The following PANK4 variants were observed in gnomAD, a reference collection of about 807,000 sequenced individuals.
PANK4 encodes the protein 4'-phosphopantetheine phosphatase.
In PANK4, 40 loss-of-function variants were observed where a neutral mutation model predicts 87.9. That is an observed-to-expected ratio of 0.46 (90% CI 0.35 to 0.59). The LOEUF (loss-of-function observed/expected upper bound fraction) is 0.59. PANK4 is among the 20% of genes least tolerant of loss of function. The pLI is 0.00. For synonymous variants in PANK4, 524 were observed against 467.4 expected (o/e 1.12, Z -1.56); for missense variants, 926 against 1,072.3 (o/e 0.86, Z 1.90).
rs1036213078 is a variant in PANK4 at position 2,509,293 on chromosome 1, T to C, written c.2109-233A>G. On this transcript the variant is annotated intron_variant, in intron 18 of 18. Transcript: ENST00000378466. The surrounding 1 kb of genome is among the most constrained non-coding windows in gnomAD (Gnocchi z 4.9). Reference sequence around the variant, plus strand: ...TGGAAACTCTGCCCTAGATCTCCTGTGAACTCTAGGGATGGATTCCTTGTC... The same window carrying C: ...TGGAAACTCTGCCCTAGATCTCCTGCGAACTCTAGGGATGGATTCCTTGTC... Among the ~76,000 whole-genome samples, 2 of 152,202 alleles carry C rather than the reference T, an allele frequency of 1.3e-5. No homozygotes were observed. The highest frequency in any genetic ancestry group is 3.9e-4 in the East Asian group (2 of 5,186).
chr1:2,513,182 T>A, intron 12 of PANK4, 143 bp from the exon 13 acceptor site: 1 of 858,834 alleles, frequency 1.2e-6, no homozygotes, highest in Non-Finnish European at 1.8e-6. Context: ...GGCACAAGCC[T>A]ATCGGTCCGG....
In PANK4 at chr1:2,520,604, A is replaced by AC. The variant is rs1349094128; in HGVS notation, c.606+118dup. 9.6e-7 allele frequency: 1 copy of AC among 1,046,626 alleles called. No individual in the cohort carries two copies. The highest frequency in any genetic ancestry group is 2.2e-5 in the Admixed American group (1 of 46,120). 64.8% of individuals were successfully genotyped at this position (1,046,626 alleles called of 1,614,324 possible). On this transcript the variant is annotated intron_variant, in intron 4 of 18. Coordinates refer to ENST00000378466, the MANE Select transcript of PANK4 (RefSeq NM_018216.4). This position sits in a 1 kb window ranked among gnomAD's most constrained non-coding sequence, Gnocchi z 6.2. ...GAGGCTCTGAGCTCACAGCCTCGCC[A>AC]CCCCCCTCCCGCCCACTGGGCCCCA...
intron 7 of PANK4, among the ~76,000 whole-genome samples, 161 bp downstream of exon 7, chr1:2,518,982 T>C (rs1045241591): frequency 1.3e-5 from 2 of 152,164 alleles, no homozygotes; most frequent in Admixed American, 1.3e-4. Flanking sequence ...TGCCACAAAA[T>C]GTAGGCTGCC....
In PANK4 at chr1:2,510,699, C is replaced by A; in HGVS notation, c.1917G>T (p.Glu639Asp). 6.2e-7 allele frequency: 1 copy of A among 1,602,000 alleles called. No individual in the cohort carries two copies. Among genetic ancestry groups the A allele is most frequent in the Non-Finnish European group, 8.5e-7 (1 of 1,169,774 alleles). Reference protein sequence around the residue: ...IILGVFPFVRELLLRGTEVIL... With the variant: ...IILGVFPFVRDLLLRGTEVIL... ...TCACCTCTGTCCCTCTAAGGAGTAG[C>A]TCCCTGACAAAGGGGAAGACTCCCA... The change falls in exon 16 of 19, where the codon GAG becomes GAT. Residue 639 changes from glutamate to aspartate, a missense_variant. Glu to Asp is a conservative substitution (Grantham distance 45, BLOSUM62 2). Coordinates refer to ENST00000378466, the MANE Select transcript of PANK4 (RefSeq NM_018216.4). The surrounding 1 kb of genome is among the most constrained non-coding windows in gnomAD (Gnocchi z 4.9).
chr1:2,522,058 C>T, intron 1 of PANK4: 2 of 531,506 alleles, frequency 3.8e-6, no homozygotes, highest in South Asian at 4.9e-5. Context: ...CCCGCTTCCC[C>T]TTGGCACCAA....
intron 1 of PANK4, among the ~76,000 whole-genome samples, chr1:2,522,999 T>TA (rs1396030287): frequency 5.9e-5 from 9 of 152,104 alleles, no homozygotes; most frequent in Non-Finnish European, 8.8e-5. Context: ...TATAGTGACT[T>TA]AACACAGTGC....
chr1:2,513,198 T>G (rs1014539665), intron 12 of PANK4, among the ~76,000 whole-genome samples, 159 bp from the exon 13 acceptor site: 1 of 152,238 alleles, frequency 6.6e-6, no homozygotes, highest in Non-Finnish European at 1.5e-5. Flanking sequence ...TCCGGGACAG[T>G]GGCCAGCGCA....
rs750742705 is a variant in PANK4 at position 2,518,150 on chromosome 1, A to C, written c.1218+14T>G. On this transcript the variant is annotated intron_variant, in intron 9 of 18. Coordinates refer to ENST00000378466, the MANE Select transcript of PANK4 (RefSeq NM_018216.4). ...CTCCCCTGGGGCCCGGGGCGGCCAG[A>C]GCCCACTACTCACAGTGCCACTCCG... 6.4e-7 allele frequency: 1 copy of C among 1,562,774 alleles called. No homozygotes were observed. The highest frequency in any genetic ancestry group is 1.1e-5 in the South Asian group (1 of 88,558).
chr1:2,514,688 GGTC>G (rs1643734604), intron 10 of PANK4, among the ~76,000 whole-genome samples: 1 of 144,276 alleles, frequency 6.9e-6, no homozygotes, highest in African/African-American at 2.6e-5. Flanking sequence ...CCCGGGGCAG[GGTC>G]AGGGCCTGCT....
chr1:2,516,486 C>T (rs2494601), intron 9 of PANK4, among the ~76,000 whole-genome samples: 5,376 of 152,302 alleles, frequency 0.035, 248 homozygotes, highest in African/African-American at 0.11. Flanking sequence ...CCGCAGCAGC[C>T]GCTGCTCTGG....
chr1:2,521,480 C>A, intron 2 of PANK4, 165 bp from the exon 3 acceptor site: 1 of 705,198 alleles, frequency 1.4e-6, no homozygotes, highest in Non-Finnish European at 2.5e-6. Context: ...CCGTGGCGAC[C>A]TCAGGGCCAC....
At position 2,519,512 on chromosome 1, in the gene PANK4, G is replaced by A. The variant is rs1009221157; in HGVS notation, c.854-188C>T. Among the ~76,000 whole-genome samples the A allele has an allele frequency of 2.6e-5, 4 of 152,042 alleles. No individual in the cohort carries two copies. The highest frequency in any genetic ancestry group is 1.3e-4 in the Admixed American group (2 of 15,276). ...CCAAGTGCGGGAGGCTGCGTGTGATGTGTGAATCATTCCTGGACGGATTAA... is the reference window on the plus strand; with the variant it reads ...CCAAGTGCGGGAGGCTGCGTGTGATATGTGAATCATTCCTGGACGGATTAA... On this transcript the variant is annotated intron_variant, in intron 6 of 18. Transcript: ENST00000378466. The surrounding 1 kb of genome is among the most constrained non-coding windows in gnomAD (Gnocchi z 8.3).
Position 2,509,840 on chromosome 1 carries a change from C to G in PANK4, c.2108+22G>C, listed in dbSNP as rs1231738465. ...GGCACAGAGCCCAGGAGGGAGAGAA[C>G]AGGTGCAGGGTGCGGGGTTACCTGA... On this transcript the variant is annotated intron_variant, in intron 18 of 18. Transcript: ENST00000378466. This position sits in a 1 kb window ranked among gnomAD's most constrained non-coding sequence, Gnocchi z 4.9. The G allele has an allele frequency of 5.6e-6, 9 of 1,605,024 alleles. No homozygotes were observed. The highest frequency in any genetic ancestry group is 7.7e-6 in the Non-Finnish European group (9 of 1,174,864).
Position 2,520,460 on chromosome 1 carries a change from A to G in PANK4, c.607-46T>C. 6.5e-7 allele frequency: 1 copy of G among 1,529,790 alleles called. No individual in the cohort carries two copies. Among genetic ancestry groups the G allele is most frequent in the Non-Finnish European group, 9.0e-7 (1 of 1,107,360 alleles). 94.8% of individuals were successfully genotyped at this position (1,529,790 alleles called of 1,614,324 possible). A position where few individuals can be genotyped will look rare whatever the true frequency, so the allele number is the denominator to read the frequency against. ...GTGTGCCCTCAGTGGGCCCTCAGCCACACAGGCTCCCCCGCCCCCCGCCCC... is the reference window on the plus strand; with the variant it reads ...GTGTGCCCTCAGTGGGCCCTCAGCCGCACAGGCTCCCCCGCCCCCCGCCCC... On this transcript the variant is annotated intron_variant, in intron 4 of 18. Transcript: ENST00000378466. This position sits in a 1 kb window ranked among gnomAD's most constrained non-coding sequence, Gnocchi z 6.2.
At chr1:2,512,751 C>T (rs1643684558) in intron 13 of PANK4, 137 bp downstream of exon 13, 2 of 822,606 alleles carry the variant, frequency 2.4e-6, no homozygotes, top group Non-Finnish European at 2.0e-6. Context: ...ACTCCCTGGG[C>T]CCCAAAGCCC....
intron 15 of PANK4, 48 bp downstream of exon 15, chr1:2,511,280 CACCCCCCCGG>C (rs1643656157): frequency 2.3e-6 from 3 of 1,278,158 alleles, no homozygotes; most frequent in South Asian, 2.4e-5. Flanking sequence ...CTCCAGTGAC[CACCCCCCCGG>C]GCCCCGCTGT....
At position 2,508,795 on chromosome 1, in the gene PANK4, A is replaced by G; in HGVS notation, c.*52T>C. 4.3e-6 allele frequency: 5 copies of G among 1,156,892 alleles called. No individual in the cohort carries two copies. Among genetic ancestry groups the G allele is most frequent in the Non-Finnish European group, 6.4e-6 (5 of 786,514 alleles). 71.7% of individuals were successfully genotyped at this position (1,156,892 alleles called of 1,614,324 possible). A position where few individuals can be genotyped will look rare whatever the true frequency, so the allele number is the denominator to read the frequency against. On this transcript the variant is annotated 3_prime_UTR_variant, in exon 19 of 19. Transcript: ENST00000378466. This position sits in a 1 kb window ranked among gnomAD's most constrained non-coding sequence, Gnocchi z 5.1. ...TGAACGCAGTTTCCCTGTGGTGGTAAAAACACATTCCTGACAAGTGACAAG... is the reference window on the plus strand; with the variant it reads ...TGAACGCAGTTTCCCTGTGGTGGTAGAAACACATTCCTGACAAGTGACAAG...
chr1:2,526,567 G>A lies in PANK4; in HGVS notation c.21C>T (p.Ser7=), dbSNP rs764140007. The A allele has an allele frequency of 6.9e-6, 11 of 1,600,862 alleles. No individual in the cohort carries two copies. Among genetic ancestry groups the A allele is most frequent in the African/African-American group, 5.4e-5 (4 of 73,788 alleles). Residue 7 remains serine, a synonymous_variant, in exon 1 of 19, where the codon AGC becomes AGT. Coordinates refer to ENST00000378466, the MANE Select transcript of PANK4 (RefSeq NM_018216.4). MAECGA[S]GSGSSGDSLD... is the part of the protein sequence containing the mutation. The stretch of plus-strand genomic sequence containing the variant: ...GACTGTCCCCGCTGCTCCCGCTGCC[G>A]CTCGCTCCACACTCCGCCATTTTGA...
chr1:2,526,383 C>CCCG lies in PANK4; in HGVS notation c.124+78_124+80dup, dbSNP rs1449516372. ...GCCCGCGCCCCCGCCCTTCGTCCTT[C>CCCG]CCGCCGCCCCCGCTCGCCGGCCCAC... On this transcript the variant is annotated intron_variant, in intron 1 of 18. Coordinates refer to ENST00000378466, the MANE Select transcript of PANK4 (RefSeq NM_018216.4). 18 of 769,948 alleles carry CCCG rather than the reference C, an allele frequency of 2.3e-5. No individual in the cohort carries two copies. The African/African-American group carries it at 2.8e-4, about 12-fold the overall frequency. The allele number at this position is 769,948 out of a possible 1,614,324, so 47.7% of individuals were successfully genotyped here. A position where few individuals can be genotyped will look rare whatever the true frequency, so the allele number is the denominator to read the frequency against.
Sources: gnomAD v4.1 joint callset for allele counts (sites outside exome capture counted in the v4.1 genomes callset) on GRCh38, gnomAD v4.1.1 for gene constraint, Gnocchi (gnomAD v3.1) non-coding constraint, MANE v1.5 for transcripts, NCBI Gene and HGNC (gene_info 2026-07-23, HGNC 2026-07-21) for gene names.